Variants in SLC16A2 observed in about 807,000 individuals in gnomAD.
SLC16A2 encodes the protein solute carrier family 16 member 2.
Under a neutral mutation model 27.2 loss-of-function variants are expected in SLC16A2, and 3 were observed. That is an observed-to-expected ratio of 0.11 (90% CI 0.05 to 0.28). SLC16A2 has a LOEUF of 0.28. Ranked by LOEUF, SLC16A2 falls within the 10% of genes least tolerant of loss-of-function variation. The pLI, the probability that SLC16A2 is intolerant of heterozygous loss-of-function variation, is 1.00. For synonymous variants in SLC16A2, 202 were observed against 187.8 expected (o/e 1.08, Z -0.62); for missense variants, 295 against 458.5 (o/e 0.64, Z 3.26).
At chrX:74,505,347 T>C (rs932184852) in intron 1 of SLC16A2, among the ~76,000 whole-genome samples, 3 of 111,785 alleles carry the variant, frequency 2.7e-5, no homozygotes, top group Non-Finnish European at 5.6e-5. Flanking sequence ...TTCCTCATTT[T>C]CCCCATCTCT....
Position 74,529,203 on chromosome X carries a change from G to A in SLC16A2, c.1171-10G>A, listed in dbSNP as rs1293952283. 8.4e-7 allele frequency: 1 copy of A among 1,197,037 alleles called. No individual in the cohort carries two copies. The highest frequency in any genetic ancestry group is 1.1e-6 in the Non-Finnish European group (1 of 883,949). On this transcript the variant is annotated splice_polypyrimidine_tract_variant and intron_variant, in intron 4 of 5. Transcript: ENST00000587091. ...CAGCACAACCTGACCTCAGGCCCTT[G>A]TTTCTCCAGGTCCTTTCCTTCCTGC...
rs1248946946 is a variant in SLC16A2, at chrX:74,532,442, T to G, written c.*889T>G. 1 of 112,085 alleles carries G rather than the reference T, an allele frequency of 8.9e-6. No homozygotes were observed. The highest frequency in any genetic ancestry group is 1.9e-5 in the Non-Finnish European group (1 of 53,208). 9.2% of individuals were successfully genotyped at this position (112,085 alleles called of 1,213,427 possible). The stretch of plus-strand genomic sequence containing the variant: ...TCACTGATTTTTACAAATCTTACAG[T>G]CCAAGGCATTAACCTCAAGGCCCTC... On this transcript the variant is annotated 3_prime_UTR_variant, in exon 6 of 6. Coordinates refer to ENST00000587091, the MANE Select transcript of SLC16A2 (RefSeq NM_006517.5).
chrX:74,438,446 C>T (rs771477068), intron 1 of SLC16A2, among the ~76,000 whole-genome samples: 1 of 113,051 alleles, frequency 8.8e-6, no homozygotes, highest in Non-Finnish European at 1.9e-5. Context: ...ATGATGCACA[C>T]GTGTATAAGC....
chrX:74,485,942 C>T (rs946657228), intron 1 of SLC16A2, among the ~76,000 whole-genome samples: 4 of 110,971 alleles, frequency 3.6e-5, no homozygotes, highest in Admixed American at 9.6e-5. Flanking sequence ...GTAACAAACA[C>T]GGACCAGAAG....
chrX:74,524,016 C>T (rs2096052290), intron 2 of SLC16A2, among the ~76,000 whole-genome samples: 1 of 111,779 alleles, frequency 8.9e-6, no homozygotes, highest in South Asian at 3.8e-4. Context: ...TGTAGCCCCT[C>T]ATCCAGCTTT....
chrX:74,446,493 C>T (rs1928839859), intron 1 of SLC16A2, among the ~76,000 whole-genome samples: 1 of 111,402 alleles, frequency 9.0e-6, no homozygotes, highest in Non-Finnish European at 1.9e-5. Context: ...TGGTGGCACA[C>T]GCCTGTAGTT....
rs771391257 is a variant in SLC16A2, at chrX:74,532,070, C to A, written c.*517C>A. 101 of 148,070 alleles carry A rather than the reference C, an allele frequency of 6.8e-4. No individual in the cohort carries two copies. The highest frequency in any genetic ancestry group is 3.1e-3 in the Middle Eastern group (1 of 325). 12.2% of individuals were successfully genotyped at this position (148,070 alleles called of 1,213,427 possible). On this transcript the variant is annotated 3_prime_UTR_variant, in exon 6 of 6. Coordinates refer to ENST00000587091, the MANE Select transcript of SLC16A2 (RefSeq NM_006517.5). ...TAGAGTTGCTGATGACTGTGGCTTC[C>A]CAAGAACTGGGTACAAGCAGTGCCC... is the stretch of plus-strand genomic sequence containing the variant.
intron 1 of SLC16A2, among the ~76,000 whole-genome samples, chrX:74,438,781 C>T: frequency 9.0e-6 from 1 of 111,481 alleles, no homozygotes; most frequent in Non-Finnish European, 1.9e-5. Flanking sequence ...TCCCTTTTGC[C>T]CTTGCTGAGG....
intron 1 of SLC16A2, among the ~76,000 whole-genome samples, chrX:74,423,636 T>C (rs1928353575): frequency 8.9e-6 from 1 of 112,099 alleles, no homozygotes; most frequent in African/African-American, 3.2e-5. Context: ...GGAGGGGTCC[T>C]GGGACAGTGT....
At chrX:74,520,737 T>C (rs998863797) in intron 1 of SLC16A2, among the ~76,000 whole-genome samples, 2 of 112,022 alleles carry the variant, frequency 1.8e-5, no homozygotes, top group Admixed American at 1.9e-4. Context: ...AACCTAAGGC[T>C]ATAGATCTGG....
intron 1 of SLC16A2, among the ~76,000 whole-genome samples, chrX:74,469,498 A>AT (rs762919440): frequency 1.8e-5 from 2 of 111,163 alleles, no homozygotes; most frequent in African/African-American, 3.3e-5. Context: ...TATTTTTTGT[A>AT]TTTTTTTTAT....
chrX:74,443,505 C>T (rs184478849), intron 1 of SLC16A2, among the ~76,000 whole-genome samples: 31 of 112,135 alleles, frequency 2.8e-4, no homozygotes, highest in Non-Finnish European at 3.9e-4. Flanking sequence ...CCAGTCAGCT[C>T]GGGCTGAGTT....
intron 4 of SLC16A2, among the ~76,000 whole-genome samples, chrX:74,527,942 T>C (rs1930510713): frequency 1.8e-5 from 2 of 112,212 alleles, no homozygotes; most frequent in African/African-American, 6.5e-5. Flanking sequence ...TCCTAGCTTC[T>C]GCCTAGCTAC....
chrX:74,492,013 A>C (rs1036022888), intron 1 of SLC16A2, among the ~76,000 whole-genome samples: 12 of 112,623 alleles, frequency 1.1e-4, no homozygotes, highest in African/African-American at 3.9e-4. Context: ...TGTAAGCAGG[A>C]CAGTGGGAGA....
chrX:74,520,019 T>C (rs909262519), intron 1 of SLC16A2, among the ~76,000 whole-genome samples: 4 of 111,603 alleles, frequency 3.6e-5, no homozygotes, highest in Non-Finnish European at 7.5e-5. Context: ...CTGAGCAACC[T>C]ATTTGGCACT....
chrX:74,490,783 A>AT (rs1929813517), intron 1 of SLC16A2, among the ~76,000 whole-genome samples: 1 of 111,975 alleles, frequency 8.9e-6, no homozygotes, highest in Non-Finnish European at 1.9e-5. Context: ...TATCATGCAA[A>AT]TGCACACAGA....
chrX:74,475,070 A>G (rs750171447), intron 1 of SLC16A2, among the ~76,000 whole-genome samples: 254 of 105,138 alleles, frequency 2.4e-3, no homozygotes, highest in Middle Eastern at 9.5e-3. Context: ...CTTCCACAAT[A>G]GTTGAACTAG....
chrX:74,421,915 A>T lies in SLC16A2; in HGVS notation c.278A>T (p.Gln93Leu), dbSNP rs750143159. Residue 93 changes from glutamine to leucine, a missense_variant, in exon 1 of 6, where the codon CAG (glutamine) becomes CTG (leucine). By Grantham distance (113) the Gln-to-Leu change is moderately radical (BLOSUM62 -2). Coordinates refer to ENST00000587091, the MANE Select transcript of SLC16A2 (RefSeq NM_006517.5). The part of the protein sequence containing the change: ...VETRGTARGF[Q>L]PPEGGFGWVV... ...ACCCGCGGCACCGCGCGCGGCTTCC[A>T]GCCTCCCGAAGGTGGCTTCGGCTGG... The T allele has an allele frequency of 2.5e-6, 3 of 1,210,722 alleles. No homozygotes were observed.
chrX:74,464,936 G>GCAACAACAA (rs752511999), intron 1 of SLC16A2, among the ~76,000 whole-genome samples: 1 of 110,736 alleles, frequency 9.0e-6, no homozygotes, highest in East Asian at 2.8e-4. Context: ...CTCAATAACA[G>GCAACAACAA]CAACAACAAC....
Sources: allele counts gnomAD v4.1 joint callset (sites outside exome capture counted in the v4.1 genomes callset), GRCh38; gene constraint gnomAD v4.1.1; transcripts MANE v1.5; gene names NCBI Gene and HGNC (gene_info 2026-07-23, HGNC 2026-07-21).